Variants in CELF2 observed in about 807,000 individuals in gnomAD.
CELF2 encodes the protein CUGBP Elav-like family member 2, also known as CUG triplet repeat RNA-binding protein 2.
CELF2 carries 8 observed loss-of-function variants against 62.6 expected under a neutral mutation model. The observed-to-expected ratio is 0.13, with a 90% CI of 0.07 to 0.23. The LOEUF is 0.23. Ranked by LOEUF, CELF2 falls within the 10% of genes least tolerant of loss-of-function variation. The probability of loss-of-function intolerance (pLI) is 1.00; values close to 1 mark genes in which losing one functional copy is unlikely to be tolerated. For missense variants in CELF2, 333 were observed against 671.0 expected (o/e 0.50, Z 5.56); for synonymous variants, 258 against 250.0 (o/e 1.03, Z -0.30).
chr10:11,091,186 A>T (rs1034741179), intron 1 of CELF2, among the ~76,000 whole-genome samples: 1 of 152,164 alleles, frequency 6.6e-6, no homozygotes, highest in Admixed American at 6.5e-5. Context: ...ATGTTAGGGC[A>T]CAGCTGCTCC....
chr10:10,723,136 C>A, the CELF2 span, among the ~76,000 whole-genome samples: 1 of 152,178 alleles, frequency 6.6e-6, no homozygotes, highest in Non-Finnish European at 1.5e-5. Flanking sequence ...TGTAGTCAAT[C>A]GGAAATATGG....
chr10:10,506,736 G>C, the CELF2 span, among the ~76,000 whole-genome samples: 48,193 of 135,140 alleles, frequency 0.36, 9,806 homozygotes, highest in Non-Finnish European at 0.48. Context: ...GAGTGCAGAG[G>C]TGCAATCTTG....
intron 2 of CELF2, among the ~76,000 whole-genome samples, chr10:10,981,870 AG>A (rs2052155161): frequency 6.6e-6 from 1 of 152,024 alleles, no homozygotes; most frequent in Non-Finnish European, 1.5e-5. Context: ...CTACACAGTC[AG>A]GATATAAAGC....
intron 8 of CELF2, among the ~76,000 whole-genome samples, chr10:11,284,884 A>G (rs930563546): frequency 2.8e-5 from 4 of 143,782 alleles, no homozygotes; most frequent in African/African-American, 1.1e-4. Flanking sequence ...AGTTGGGTAG[A>G]TGTGTGGGTG....
chr10:11,081,760 T>C (rs2074093342), intron 1 of CELF2, among the ~76,000 whole-genome samples: 1 of 152,184 alleles, frequency 6.6e-6, no homozygotes, highest in East Asian at 1.9e-4. Flanking sequence ...TAAATAAGTA[T>C]TGGCAAAGGG....
chr10:10,999,145 T>C (rs770088163), intron 2 of CELF2, among the ~76,000 whole-genome samples: 1 of 152,180 alleles, frequency 6.6e-6, no homozygotes, highest in Non-Finnish European at 1.5e-5. Flanking sequence ...AATAACTTAA[T>C]GACTCCTCGT....
intron 1 of CELF2, among the ~76,000 whole-genome samples, chr10:10,901,164 T>A (rs939877105): frequency 5.3e-5 from 8 of 152,240 alleles, no homozygotes; most frequent in African/African-American, 1.9e-4. Context: ...GATTTTTCGG[T>A]AGAATTTTTT....
At chr10:11,170,125 A>G (rs2068390480) in intron 2 of CELF2, among the ~76,000 whole-genome samples, 2 of 152,190 alleles carry the variant, frequency 1.3e-5, no homozygotes, top group Admixed American at 1.3e-4. Context: ...AAGCTTAGAC[A>G]TGCAGTTTGT....
chr10:10,933,945 T>G (rs1346769633), intron 2 of CELF2, among the ~76,000 whole-genome samples: 1 of 152,208 alleles, frequency 6.6e-6, no homozygotes, highest in East Asian at 1.9e-4. Context: ...TTCAATTCCT[T>G]TGCATATTTA....
At chr10:10,827,739 CTA>C (rs2057512659) in intron 1 of CELF2, among the ~76,000 whole-genome samples, 1 of 151,976 alleles carries the variant, frequency 6.6e-6, no homozygotes, top group Non-Finnish European at 1.5e-5. Flanking sequence ...TGATTTTTCT[CTA>C]TGCAAAGAAT....
chr10:10,911,481 ACTG>A lies in CELF2; in HGVS notation c.54-8481_54-8479del, dbSNP rs1432738837. 5.9e-5 allele frequency among the ~76,000 whole-genome samples: 9 copies of A among 152,218 alleles called. No individual in the cohort carries two copies. The East Asian group carries it at 1.3e-3, about 23-fold the overall frequency. ...CAGTGATTAGATTCAATGAACCTGA[ACTG>A]CAGCGATGCCTCTGACGGCTCCGAC... is the stretch of plus-strand genomic sequence containing the variant. On this transcript the variant is annotated intron_variant, in intron 1 of 13. Transcript: ENST00000636488.
intron 4 of CELF2, among the ~76,000 whole-genome samples, chr10:11,252,175 G>A (rs1225948599): frequency 6.6e-6 from 1 of 152,200 alleles, no homozygotes; most frequent in East Asian, 1.9e-4. Flanking sequence ...GGAATATGTA[G>A]TTTTCTAAAG....
At chr10:11,276,190 A>AG (rs2086045564) in intron 8 of CELF2, among the ~76,000 whole-genome samples, 1 of 151,324 alleles carries the variant, frequency 6.6e-6, no homozygotes. Flanking sequence ...AAAACTTTCC[A>AG]GGGGGCTTCT....
chr10:10,593,154 A>G, the CELF2 span, among the ~76,000 whole-genome samples: 6 of 152,162 alleles, frequency 3.9e-5, no homozygotes, highest in Non-Finnish European at 4.4e-5. Flanking sequence ...GAGAGACATG[A>G]TGGTAGGAGG....
At chr10:10,985,715 G>A (rs2052665340) in intron 2 of CELF2, among the ~76,000 whole-genome samples, 1 of 152,218 alleles carries the variant, frequency 6.6e-6, no homozygotes, top group South Asian at 2.1e-4. Flanking sequence ...TAGAGTTAAA[G>A]CTTTCCACTT....
Position 11,306,759 on chromosome 10 carries a change from G to A in CELF2, c.977-7380G>A, listed in dbSNP as rs574431417. Among the ~76,000 whole-genome samples, 9 of 152,024 alleles carry A rather than the reference G, an allele frequency of 5.9e-5. No individual in the cohort carries two copies. The highest frequency in any genetic ancestry group is 2.1e-4 in the South Asian group (1 of 4,810). ...ATTCTTCTCCCTCCTTTTCTTCACC[G>A]TCTCCCCAACTTTCTACTGGGACCG... On this transcript the variant is annotated intron_variant, in intron 9 of 12. Transcript: ENST00000633077. This position sits in a 1 kb window ranked among gnomAD's most constrained non-coding sequence, Gnocchi z 4.4.
At position 10,817,079 on chromosome 10, in the gene CELF2, T is replaced by G. The variant is rs1002504237; in HGVS notation, c.53+18262T>G. ...AACCAACATGGCGGGCAGTGGACGGTGGGAGAGTGTGCAAAGAGGACTGAT... is the reference window on the plus strand; with the variant it reads ...AACCAACATGGCGGGCAGTGGACGGGGGGAGAGTGTGCAAAGAGGACTGAT... On this transcript the variant is annotated intron_variant, in intron 1 of 13. Coordinates refer to the CELF2 transcript ENST00000636488. Among the ~76,000 whole-genome samples the G allele has an allele frequency of 3.3e-5, 5 of 152,124 alleles. No individual in the cohort carries two copies. In the South Asian group the frequency reaches 1.0e-3, roughly 32 times the overall value.
upstream of CELF2, chr10:10,796,855 G>C (rs754411373): frequency 1.0e-6 from 1 of 983,398 alleles, no homozygotes; most frequent in Non-Finnish European, 1.2e-6. Context: ...GGATAACACA[G>C]CCCAGGAAGA....
chr10:11,041,129 C>CA (rs933990248), intron 1 of CELF2, among the ~76,000 whole-genome samples: 1 of 152,198 alleles, frequency 6.6e-6, no homozygotes, highest in African/African-American at 2.4e-5. Flanking sequence ...TCACATGGTT[C>CA]AAAAAAGTTG....
Sources: gnomAD v4.1 joint callset for allele counts (sites outside exome capture counted in the v4.1 genomes callset) on GRCh38, gnomAD v4.1.1 for gene constraint, Gnocchi (gnomAD v3.1) non-coding constraint, MANE v1.5 for transcripts, NCBI Gene and HGNC (gene_info 2026-07-23, HGNC 2026-07-21) for gene names.